Variants in RGS12 observed in about 807,000 individuals in gnomAD.
The protein encoded by RGS12 is regulator of G-protein signaling 12.
In RGS12, 66 loss-of-function variants were observed where a neutral mutation model predicts 120.1. The observed-to-expected ratio is 0.55, with a 90% CI of 0.45 to 0.67. The LOEUF (loss-of-function observed/expected upper bound fraction) is 0.67, where lower values mean the gene tolerates loss of function less well. RGS12 is among the 30% of genes least tolerant of loss of function. The pLI is 0.00. For synonymous variants in RGS12, 827 were observed against 804.7 expected, an observed-to-expected ratio of 1.03 and a Z score of -0.47; for missense variants, 1,859 against 1,957.7, an observed-to-expected ratio of 0.95 and a Z score of 0.95.
chr4:3,430,903 C>G lies in RGS12; in HGVS notation c.4062C>G (p.Thr1354=). ...GEGDISSPNS[T]LLPPPSTPQE... ...GGGACATCAGCAGCCCCAACAGCAC[C>G]TTGCTGCCGCCGCCCTCCACCCCCC... The change falls in exon 17 of 18, where the codon ACC becomes ACG. Residue 1354 remains threonine (T), a synonymous_variant. Transcript: ENST00000336727. The G allele has an allele frequency of 6.2e-7, 1 of 1,612,830 alleles. No homozygotes were observed. The highest frequency in any genetic ancestry group is 8.5e-7 in the Non-Finnish European group (1 of 1,179,958).
chr4:3,381,673 C>A (rs529956348), intron 3 of RGS12, among the ~76,000 whole-genome samples: 40 of 152,168 alleles, frequency 2.6e-4, no homozygotes, highest in Non-Finnish European at 5.3e-4. Flanking sequence ...GGTAACTGTT[C>A]CCATGATTCA....
rs1005765915 is a variant in RGS12 at position 3,416,137 on chromosome 4, G to A, written c.2427+16G>A. On this transcript the variant is annotated intron_variant, in intron 7 of 17. Transcript: ENST00000336727. The stretch of plus-strand genomic sequence containing the variant: ...GCAGCTGCAGGTAACCGCAGGCTGT[G>A]GGAGCTTGTGGGGAGTCCAGGCTAG... 1 of 1,613,436 alleles carries A rather than the reference G, an allele frequency of 6.2e-7. No homozygotes were observed. Among genetic ancestry groups the A allele is most frequent in the Non-Finnish European group, 8.5e-7 (1 of 1,179,800 alleles).
chr4:3,329,101 G>A (rs528512981), intron 2 of RGS12, among the ~76,000 whole-genome samples: 3 of 152,318 alleles, frequency 2.0e-5, no homozygotes, highest in South Asian at 4.1e-4. Flanking sequence ...TGCACACTGC[G>A]AGCATCAGTA....
At chr4:3,318,255 A>G (rs552210487) in intron 2 of RGS12, among the ~76,000 whole-genome samples, 2 of 152,126 alleles carry the variant, frequency 1.3e-5, no homozygotes, top group South Asian at 4.2e-4. Context: ...GCCCTGTTCG[A>G]GTCCTTGGTT....
In RGS12 at chr4:3,382,986, G is replaced by GT. The variant is rs566461624; in HGVS notation, c.1999-3425dup. The stretch of plus-strand genomic sequence containing the variant: ...CCACTCATGCTGGGCTTCTCCTTGG[G>GT]TTTTTCATAGTGAACTCATATTCGA... On this transcript the variant is annotated intron_variant, in intron 3 of 17. Transcript: ENST00000336727. 1.6e-4 allele frequency among the ~76,000 whole-genome samples: 24 copies of GT among 152,178 alleles called. No homozygotes were observed. The South Asian group carries it at 4.4e-3, about 28-fold the overall frequency.
chr4:3,336,137 G>A (rs1712435782), intron 2 of RGS12, among the ~76,000 whole-genome samples: 1 of 152,136 alleles, frequency 6.6e-6, no homozygotes. Flanking sequence ...CCCAAGGGCT[G>A]GAGCCCCATG....
At chr4:3,395,456 C>T (rs1030509897) in intron 4 of RGS12, among the ~76,000 whole-genome samples, 2 of 152,118 alleles carry the variant, frequency 1.3e-5, no homozygotes, top group African/African-American at 4.8e-5. Flanking sequence ...TTTGGGTGGG[C>T]ATCTGCATAC....
chr4:3,334,784 C>T lies in RGS12; in HGVS notation c.1882-8153C>T, dbSNP rs568046588. On this transcript the variant is annotated intron_variant, in intron 2 of 17. Coordinates refer to ENST00000336727, the MANE Select transcript of RGS12 (RefSeq NM_001394154.1). ...ATTTAAACTTTTCCATTTCTGTTTTCGAATTGTTACTATAAGTGGCAGATT... is the reference window on the plus strand; with the variant it reads ...ATTTAAACTTTTCCATTTCTGTTTTTGAATTGTTACTATAAGTGGCAGATT... Among the ~76,000 whole-genome samples the T allele has an allele frequency of 2.8e-4, 43 of 152,080 alleles. No individual in the cohort carries two copies. In the South Asian group the frequency reaches 7.7e-3, roughly 27 times the overall value.
intron 1 of RGS12, among the ~76,000 whole-genome samples, chr4:3,298,494 G>A (rs1205291656): frequency 6.6e-6 from 1 of 152,172 alleles, no homozygotes; most frequent in Non-Finnish European, 1.5e-5. Context: ...GGGAACACAA[G>A]CATGCACCCC....
intron 3 of RGS12, among the ~76,000 whole-genome samples, chr4:3,373,276 G>A (rs1717238820): frequency 6.6e-6 from 1 of 152,206 alleles, no homozygotes; most frequent in East Asian, 1.9e-4. Flanking sequence ...GGGCCGGCTG[G>A]GCCAGGCTCC....
At chr4:3,363,226 C>T (rs1389644573) in intron 3 of RGS12, among the ~76,000 whole-genome samples, 1 of 152,106 alleles carries the variant, frequency 6.6e-6, no homozygotes, top group African/African-American at 2.4e-5. Context: ...TGTCCCTCTT[C>T]TTACCCCATA....
At chr4:3,386,953 A>C (rs558413908) in intron 4 of RGS12, among the ~76,000 whole-genome samples, 1 of 152,324 alleles carries the variant, frequency 6.6e-6, no homozygotes, top group South Asian at 2.1e-4. Flanking sequence ...GATTCTTTTC[A>C]TGGACTGATT....
At position 3,414,222 on chromosome 4, in the gene RGS12, T is replaced by C; in HGVS notation, c.2171T>C (p.Val724Ala). 2 of 1,544,732 alleles carry C rather than the reference T, an allele frequency of 1.3e-6. No individual in the cohort carries two copies. Among genetic ancestry groups the C allele is most frequent in the Non-Finnish European group, 1.7e-6 (2 of 1,148,488 alleles). The change falls in exon 5 of 18, where the codon GTC becomes GCC. Residue 724 changes from valine to alanine, a missense_variant. Around this residue, in one of 3 missense-constraint regions of RGS12, gnomAD observed 967 missense variants for 994.2 expected, o/e 0.97. Transcript: ENST00000336727. ...VSFERLLQDPVGVRYFSDFLR... is the reference protein window; with the variant it reads ...VSFERLLQDPAGVRYFSDFLR... The stretch of plus-strand genomic sequence containing the variant: ...TTTGAGCGCCTGCTGCAGGACCCCG[T>C]CGGTGTCCGCTACTTCTCTGTGAGT...
chr4:3,404,796 G>A (rs1414996886), intron 4 of RGS12, among the ~76,000 whole-genome samples: 1 of 152,260 alleles, frequency 6.6e-6, no homozygotes, highest in Non-Finnish European at 1.5e-5. Context: ...TGCATGTCCA[G>A]ATTTTGGTGT....
At chr4:3,305,987 T>A (rs942878034) in intron 1 of RGS12, among the ~76,000 whole-genome samples, 9 of 152,242 alleles carry the variant, frequency 5.9e-5, no homozygotes, top group African/African-American at 2.2e-4. Flanking sequence ...GTTCTAACTT[T>A]ATGGGCCTCC....
Position 3,298,910 on chromosome 4 carries a change from C to T in RGS12, c.-102+5811C>T, listed in dbSNP as rs1397360607. ...CATTAAATCTTTGAACACATACTAG[C>T]GGCTTTAATGTTCTTTTCTGCTAAT... On this transcript the variant is annotated intron_variant, in intron 1 of 17. Transcript: ENST00000336727. Among the ~76,000 whole-genome samples the T allele has an allele frequency of 5.3e-5, 8 of 152,188 alleles. No homozygotes were observed. The South Asian group carries it at 6.2e-4, about 12-fold the overall frequency.
chr4:3,325,734 C>T (rs1460816800), intron 2 of RGS12, among the ~76,000 whole-genome samples: 1 of 152,102 alleles, frequency 6.6e-6, no homozygotes, highest in Non-Finnish European at 1.5e-5. Context: ...AAGGACACAA[C>T]ACCAAAAATA....
intron 2 of RGS12, among the ~76,000 whole-genome samples, chr4:3,337,823 T>C (rs544182669): frequency 1.1e-4 from 16 of 152,312 alleles, no homozygotes; most frequent in African/African-American, 3.8e-4. Flanking sequence ...GCTAACTTGG[T>C]AAATTTTGTG....
intron 2 of RGS12, among the ~76,000 whole-genome samples, chr4:3,331,562 G>A (rs1286655600): frequency 6.6e-6 from 1 of 151,930 alleles, no homozygotes; most frequent in Non-Finnish European, 1.5e-5. Context: ...TCAGCACATA[G>A]ATTTTACGCT....
Sources: allele counts gnomAD v4.1 joint callset (sites outside exome capture counted in the v4.1 genomes callset), GRCh38; gene constraint gnomAD v4.1.1; regional missense constraint gnomAD v4.1.1; transcripts MANE v1.5; gene names NCBI Gene and HGNC (gene_info 2026-07-23, HGNC 2026-07-21).